GLG1: variants seen among roughly 807,000 people sequenced by gnomAD.
The protein encoded by GLG1 is Golgi apparatus protein 1.
A neutral mutation model predicts 160.5 loss-of-function variants in GLG1; 38 were observed. The observed-to-expected ratio is 0.24, with a 90% CI of 0.18 to 0.31. GLG1 has a LOEUF of 0.31. Ranked by LOEUF, GLG1 falls within the 10% of genes least tolerant of loss-of-function variation. GLG1 has a pLI of 1.00. For missense variants in GLG1, 1,373 were observed against 1,505.2 expected (o/e 0.91, Z 1.45); for synonymous variants, 644 against 543.4 (o/e 1.19, Z -2.57).
intron 9 of GLG1, among the ~76,000 whole-genome samples, chr16:74,484,720 T>C (rs1463691965): frequency 1.3e-5 from 2 of 151,628 alleles, no homozygotes; most frequent in African/African-American, 4.9e-5. Flanking sequence ...TAAGCGAGAT[T>C]GCGCCACTGT....
Position 74,477,432 on chromosome 16 carries a change from C to A in GLG1, c.1929G>T (p.Leu643=). ...CTGTTTTCTCACTGCACCATTTTCCCAGATCAATCAGGCACTTATCCTGGA... is the reference window on the plus strand; with the variant it reads ...CTGTTTTCTCACTGCACCATTTTCCAAGATCAATCAGGCACTTATCCTGGA... ...PALQDKCLID[L]GKWCSEKTET... is the part of the protein sequence containing the mutation. The change falls in exon 12 of 26, where the codon CTG becomes CTT. Residue 643 remains leucine, a synonymous_variant. Coordinates refer to ENST00000422840, the MANE Select transcript of GLG1 (RefSeq NM_001145667.2). 1 of 1,612,812 alleles carries A rather than the reference C, an allele frequency of 6.2e-7. No homozygotes were observed. The highest frequency in any genetic ancestry group is 1.1e-5 in the South Asian group (1 of 91,040).
intron 1 of GLG1, among the ~76,000 whole-genome samples, chr16:74,592,654 C>A (rs1319512739): frequency 6.6e-6 from 1 of 152,112 alleles, no homozygotes; most frequent in Non-Finnish European, 1.5e-5. Flanking sequence ...TGCCCAACAT[C>A]ATAATAACTG....
intron 1 of GLG1, among the ~76,000 whole-genome samples, chr16:74,590,356 G>A (rs1024037227): frequency 4.0e-5 from 6 of 151,698 alleles, no homozygotes; most frequent in African/African-American, 1.2e-4. Flanking sequence ...CATGGCTCAC[G>A]CCTGTAATCC....
At chr16:74,519,339 T>TG (rs1231026054) in intron 2 of GLG1, among the ~76,000 whole-genome samples, 9 of 92,858 alleles carry the variant, frequency 9.7e-5, no homozygotes, top group Admixed American at 7.4e-4. Context: ...CTTTTGGGGG[T>TG]GGGGGGCTAG....
chr16:74,542,650 T>A, intron 1 of GLG1, among the ~76,000 whole-genome samples: 1 of 130,830 alleles, frequency 7.6e-6, no homozygotes, highest in Non-Finnish European at 1.6e-5. Flanking sequence ...CCAGCCTGGG[T>A]GACAAAAGCG....
chr16:74,582,131 T>A (rs192044996), intron 1 of GLG1, among the ~76,000 whole-genome samples: 5 of 152,276 alleles, frequency 3.3e-5, no homozygotes, highest in Non-Finnish European at 5.9e-5. Flanking sequence ...GTGAAAAATA[T>A]TTTAATAAAT....
rs2016965866 is a variant in GLG1 at position 74,515,989 on chromosome 16, C to A, written c.472-7064G>T. Among the ~76,000 whole-genome samples, 5 of 151,462 alleles carry A rather than the reference C, an allele frequency of 3.3e-5. No individual in the cohort carries two copies. The South Asian group carries it at 1.0e-3, about 31-fold the overall frequency. On this transcript the variant is annotated intron_variant, in intron 2 of 25. Coordinates refer to ENST00000422840, the MANE Select transcript of GLG1 (RefSeq NM_001145667.2). ...TTACATAACGGTAAAGGGATCAATT[C>A]AACAAGAAGAGCTAACTATCCTAAA... is the stretch of plus-strand genomic sequence containing the variant.
At chr16:74,543,754 A>C (rs150208172) in intron 1 of GLG1, among the ~76,000 whole-genome samples, 12,178 of 150,276 alleles carry the variant, frequency 0.081, 715 homozygotes, top group East Asian at 0.32. Context: ...TTAAAGTGCT[A>C]ATTTTCTGTT....
chr16:74,596,525 C>CA (rs1478183105), intron 1 of GLG1, among the ~76,000 whole-genome samples: 7 of 149,002 alleles, frequency 4.7e-5, no homozygotes, highest in South Asian at 2.1e-4. Context: ...GACTCCACCT[C>CA]AAAAAAAAAA....
intron 1 of GLG1, among the ~76,000 whole-genome samples, chr16:74,577,779 A>G (rs190655121): frequency 2.0e-5 from 3 of 152,004 alleles, no homozygotes; most frequent in Admixed American, 2.0e-4. Context: ...ATGACCGGTT[A>G]ATTTTATTTT....
intron 1 of GLG1, among the ~76,000 whole-genome samples, chr16:74,582,612 A>T (rs1321174795): frequency 6.6e-6 from 1 of 151,754 alleles, no homozygotes; most frequent in African/African-American, 2.4e-5. Flanking sequence ...CGAGGTCAGG[A>T]GATCAAGACC....
chr16:74,454,461 T>A (rs1445978426), intron 25 of GLG1, among the ~76,000 whole-genome samples: 4 of 148,408 alleles, frequency 2.7e-5, no homozygotes, highest in Non-Finnish European at 6.0e-5. Flanking sequence ...AAGTCAGGAG[T>A]TCAAGACCAG....
At chr16:74,494,980 G>A (rs1193791620) in intron 5 of GLG1, 149 bp from the exon 6 acceptor site, 8 of 452,462 alleles carry the variant, frequency 1.8e-5, no homozygotes, top group Non-Finnish European at 2.8e-5. Context: ...AATTTAATAG[G>A]CTTTTAACAA....
At chr16:74,484,211 T>C (rs2015708609) in intron 9 of GLG1, among the ~76,000 whole-genome samples, 1 of 152,174 alleles carries the variant, frequency 6.6e-6, no homozygotes, top group Non-Finnish European at 1.5e-5. Flanking sequence ...CAGGAGTTCT[T>C]GCATAGCAGC....
chr16:74,514,288 A>T (rs1270129002), intron 2 of GLG1, among the ~76,000 whole-genome samples: 1 of 152,214 alleles, frequency 6.6e-6, no homozygotes, highest in African/African-American at 2.4e-5. Context: ...AAATACAGAG[A>T]ACACCACAAA....
At chr16:74,510,393 T>C (rs1276859267) in intron 2 of GLG1, among the ~76,000 whole-genome samples, 1 of 152,230 alleles carries the variant, frequency 6.6e-6, no homozygotes, top group African/African-American at 2.4e-5. Flanking sequence ...CTAAAGCCTA[T>C]TCTTGCAGAT....
intron 1 of GLG1, among the ~76,000 whole-genome samples, chr16:74,542,208 G>A (rs551616710): frequency 6.9e-6 from 1 of 144,238 alleles, no homozygotes; most frequent in African/African-American, 2.6e-5. Flanking sequence ...AGAATGCAGG[G>A]TGAAAAAAAT....
At chr16:74,474,376 A>G in intron 13 of GLG1, 170 bp downstream of exon 13, 1 of 594,350 alleles carries the variant, frequency 1.7e-6, no homozygotes, top group Non-Finnish European at 3.0e-6. Context: ...GGAGCTCACA[A>G]AGCAACACAA....
rs1215902947 is a variant in GLG1, at chr16:74,498,456, ATATATATATATTATATTT to A, written c.775-1830_775-1813del. ...CTCAAAAAAAAAAAAAAGTATATAT[ATATATATATATTATATTT>A]TATATATATATTTTATATATAGTGC... On this transcript the variant is annotated intron_variant, in intron 4 of 25. Coordinates refer to ENST00000422840, the MANE Select transcript of GLG1 (RefSeq NM_001145667.2). Among the ~76,000 whole-genome samples, 98 of 99,578 alleles carry A rather than the reference ATATATATATATTATATTT, an allele frequency of 9.8e-4. 7 individuals carry two copies. The East Asian group carries it at 0.028, about 29-fold the overall frequency. The allele number at this position is 99,578 out of a possible 152,430, so 65.3% of individuals were successfully genotyped here. A position where few individuals can be genotyped will look rare whatever the true frequency, so the allele number is the denominator to read the frequency against.
Sources: allele counts gnomAD v4.1 joint callset (sites outside exome capture counted in the v4.1 genomes callset), GRCh38; gene constraint gnomAD v4.1.1; transcripts MANE v1.5; gene names NCBI Gene and HGNC (gene_info 2026-07-23, HGNC 2026-07-21).